Variants in SULF1 observed in about 807,000 individuals in gnomAD.
SULF1 encodes the protein sulfatase 1.
Under a neutral mutation model 110.5 loss-of-function variants are expected in SULF1, and 46 were observed. The observed-to-expected ratio is 0.42, with a 90% CI of 0.33 to 0.53. The LOEUF is 0.53. Among genes scored for constraint, SULF1 ranks in the 20% least tolerant of loss-of-function variants. The pLI, the probability that SULF1 is intolerant of heterozygous loss-of-function variation, is 0.12. For missense variants in SULF1, 941 were observed against 1,094.2 expected, an observed-to-expected ratio of 0.86 and a Z score of 1.98; for synonymous variants, 371 against 387.1, an observed-to-expected ratio of 0.96 and a Z score of 0.49.
chr8:69,605,048 C>A, intron 13 of SULF1, 116 bp downstream of exon 13: 1 of 1,424,134 alleles, frequency 7.0e-7, no homozygotes, highest in Non-Finnish European at 9.4e-7. Flanking sequence ...TTCCTAGTGG[C>A]CTTGAGGGCA....
intron 6 of SULF1, among the ~76,000 whole-genome samples, chr8:69,581,739 G>A (rs13273088): frequency 0.8 from 122,421 of 152,124 alleles, 49,525 homozygotes; most frequent in African/African-American, 0.87. Flanking sequence ...AATAATTAGA[G>A]GGCCAGATAA....
chr8:69,641,401 G>A (rs1811456956), intron 22 of SULF1, among the ~76,000 whole-genome samples: 1 of 152,156 alleles, frequency 6.6e-6, no homozygotes. Context: ...CAGAGAGGTG[G>A]TGAATAACGA....
chr8:69,494,941 G>A (rs1170630302), intron 1 of SULF1, among the ~76,000 whole-genome samples: 3 of 152,086 alleles, frequency 2.0e-5, no homozygotes, highest in African/African-American at 7.2e-5. Context: ...AACTGCTGGG[G>A]GCACTGAGCA....
intron 3 of SULF1, among the ~76,000 whole-genome samples, chr8:69,561,201 A>G (rs900913976): frequency 6.6e-6 from 1 of 152,214 alleles, no homozygotes; most frequent in Non-Finnish European, 1.5e-5. Context: ...TCATTCCACA[A>G]TGTACACATA....
chr8:69,542,800 G>A (rs1208234298), intron 3 of SULF1, among the ~76,000 whole-genome samples: 8 of 152,126 alleles, frequency 5.3e-5, no homozygotes, highest in Admixed American at 6.5e-5. Context: ...AGAAAATGAC[G>A]GAGCAGGAGT....
Position 69,604,869 on chromosome 8 carries a change from T to C in SULF1, c.1314T>C (p.Tyr438=), listed in dbSNP as rs2130424286. The C allele has an allele frequency of 6.2e-7, 1 of 1,614,204 alleles. No individual in the cohort carries two copies. Among genetic ancestry groups the C allele is most frequent in the East Asian group, 2.2e-5 (1 of 44,882 alleles). The part of the protein sequence containing the change: ...NIQQSNHLPK[Y]ERVKELCQQA... ...AACAGTCAAATCACTTGCCCAAATA[T>C]GAACGGGTCAAAGAACTATGCCAGC... The change falls in exon 13 of 23, where the codon TAT becomes TAC. Residue 438 remains tyrosine, a synonymous_variant. Transcript: ENST00000402687.
intron 1 of SULF1, among the ~76,000 whole-genome samples, chr8:69,481,247 A>G (rs1381160440): frequency 6.6e-6 from 1 of 152,162 alleles, no homozygotes; most frequent in Non-Finnish European, 1.5e-5. Flanking sequence ...ATCTGGTTAG[A>G]TTTATAAAAA....
intron 3 of SULF1, among the ~76,000 whole-genome samples, chr8:69,517,829 C>A (rs1812039813): frequency 6.6e-6 from 1 of 152,104 alleles, no homozygotes; most frequent in Non-Finnish European, 1.5e-5. Flanking sequence ...TTACCACAGA[C>A]CACAATCATG....
chr8:69,584,856 C>G (rs1806332041), intron 6 of SULF1, among the ~76,000 whole-genome samples: 1 of 152,172 alleles, frequency 6.6e-6, no homozygotes, highest in African/African-American at 2.4e-5. Flanking sequence ...TAAAAGCAAG[C>G]TAAATACCTA....
Position 69,621,180 on chromosome 8 carries a change from A to C in SULF1, c.1523A>C (p.Glu508Ala). ...HDKDKECSCR[E>A]SGYRASRSQR... ...AAAGACAAAGAGTGCAGTTGTAGGG[A>C]GTCTGGTTACCGTGCCAGCAGAAGC... The change falls in exon 14 of 23, where the codon GAG (glutamate) becomes GCG (alanine). Residue 508 changes from glutamate (E) to alanine (A), a missense_variant. Glu to Ala is a moderately radical substitution (Grantham distance 107, BLOSUM62 -1). Transcript: ENST00000402687. The C allele has an allele frequency of 6.2e-7, 1 of 1,613,976 alleles. No homozygotes were observed. Among genetic ancestry groups the C allele is most frequent in the African/African-American group, 1.3e-5 (1 of 75,042 alleles).
intron 1 of SULF1, among the ~76,000 whole-genome samples, chr8:69,472,165 C>T (rs556439848): frequency 6.6e-6 from 1 of 152,256 alleles, no homozygotes; most frequent in East Asian, 1.9e-4. Context: ...AGAGCAGGCC[C>T]TGGGCCACTG....
intron 22 of SULF1, among the ~76,000 whole-genome samples, chr8:69,646,400 G>A (rs954310350): frequency 4.7e-5 from 7 of 149,752 alleles, no homozygotes; most frequent in South Asian, 4.2e-4. Context: ...CGATAACTTC[G>A]TGAGGTCAGT....
chr8:69,589,937 G>T (rs1428185099), intron 8 of SULF1, among the ~76,000 whole-genome samples: 1 of 152,174 alleles, frequency 6.6e-6, no homozygotes, highest in Non-Finnish European at 1.5e-5. Flanking sequence ...TCTGCTGAAA[G>T]CCTGACCATT....
intron 3 of SULF1, among the ~76,000 whole-genome samples, chr8:69,554,680 A>AAAAG (rs1380909687): frequency 6.6e-6 from 1 of 152,070 alleles, no homozygotes; most frequent in Admixed American, 6.5e-5. Flanking sequence ...GAAAAAGAAA[A>AAAAG]AAAGAAAGAA....
intron 3 of SULF1, among the ~76,000 whole-genome samples, chr8:69,538,108 C>G (rs1813565867): frequency 6.6e-6 from 1 of 151,976 alleles, no homozygotes; most frequent in Non-Finnish European, 1.5e-5. Flanking sequence ...ACTACAGGCA[C>G]CAGCCACCTC....
intron 3 of SULF1, among the ~76,000 whole-genome samples, chr8:69,545,116 T>C (rs1814162232): frequency 6.8e-6 from 1 of 146,454 alleles, no homozygotes; most frequent in African/African-American, 2.5e-5. Flanking sequence ...CTATGGCTCA[T>C]GAGAGATTCC....
chr8:69,643,994 C>T (rs1306154176), intron 22 of SULF1, among the ~76,000 whole-genome samples: 2 of 152,176 alleles, frequency 1.3e-5, no homozygotes, highest in African/African-American at 4.8e-5. Context: ...CCATGTGTCC[C>T]GGGGGTGTGT....
At chr8:69,602,149 C>A (rs976594460) in intron 10 of SULF1, among the ~76,000 whole-genome samples, 2 of 151,738 alleles carry the variant, frequency 1.3e-5, no homozygotes, top group Non-Finnish European at 2.9e-5. Flanking sequence ...ATCAGAGATA[C>A]GCTGTCATTT....
intron 22 of SULF1, among the ~76,000 whole-genome samples, chr8:69,655,391 A>G (rs907411286): frequency 6.6e-6 from 1 of 152,202 alleles, no homozygotes; most frequent in Non-Finnish European, 1.5e-5. Flanking sequence ...GGTGCCCGTA[A>G]TACTCCAATA....
Sources: allele counts gnomAD v4.1 joint callset (sites outside exome capture counted in the v4.1 genomes callset), GRCh38; gene constraint gnomAD v4.1.1; transcripts MANE v1.5; gene names NCBI Gene and HGNC (gene_info 2026-07-23, HGNC 2026-07-21).